HSPBAP1: variants seen among roughly 807,000 people sequenced by gnomAD.
The protein encoded by HSPBAP1 is HSPB1-associated protein 1.
HSPBAP1 carries 27 observed loss-of-function variants against 45.2 expected under a neutral mutation model. The observed-to-expected ratio is 0.60, with a 90% CI of 0.44 to 0.82. The LOEUF is 0.82. Ranked by LOEUF, HSPBAP1 falls within the 40% of genes least tolerant of loss-of-function variation. The pLI is 0.00. For missense variants in HSPBAP1, 510 were observed against 590.9 expected, an observed-to-expected ratio of 0.86 and a Z score of 1.42; for synonymous variants, 204 against 202.7, an observed-to-expected ratio of 1.01 and a Z score of -0.06.
intron 3 of HSPBAP1, among the ~76,000 whole-genome samples, chr3:122,765,349 G>A (rs1351668244): frequency 6.6e-6 from 1 of 152,172 alleles, no homozygotes; most frequent in Non-Finnish European, 1.5e-5. Flanking sequence ...GGGAGGCTGA[G>A]GCAGGCGGAT....
At chr3:122,767,885 T>C (rs909530280) in intron 3 of HSPBAP1, among the ~76,000 whole-genome samples, 5 of 151,912 alleles carry the variant, frequency 3.3e-5, no homozygotes, top group Admixed American at 3.3e-4. Flanking sequence ...GCAGGGATGG[T>C]GAAATACTTC....
chr3:122,748,990 A>C (rs1339711789), intron 6 of HSPBAP1, among the ~76,000 whole-genome samples: 1 of 152,170 alleles, frequency 6.6e-6, no homozygotes, highest in Non-Finnish European at 1.5e-5. Flanking sequence ...GGAACACTAT[A>C]GTTTATTACT....
chr3:122,792,006 G>A (rs1462146292), intron 1 of HSPBAP1, among the ~76,000 whole-genome samples: 2 of 152,132 alleles, frequency 1.3e-5, no homozygotes, highest in Admixed American at 6.5e-5. Context: ...TTTGAAGTAC[G>A]GTCTGATAGT....
intron 1 of HSPBAP1, among the ~76,000 whole-genome samples, chr3:122,790,883 AT>A (rs1935805989): frequency 6.6e-6 from 1 of 152,204 alleles, no homozygotes; most frequent in African/African-American, 2.4e-5. Flanking sequence ...TGTATTCATC[AT>A]TGTACTGAAC....
At chr3:122,754,545 G>A (rs1377345066) in intron 5 of HSPBAP1, 3 of 985,250 alleles carry the variant, frequency 3.0e-6, no homozygotes, top group East Asian at 1.1e-4. Flanking sequence ...TGAGTTGATA[G>A]TACTTGAGTG....
intron 4 of HSPBAP1, 91 bp downstream of exon 4, chr3:122,759,133 G>T (rs545172386): frequency 1.4e-6 from 2 of 1,480,962 alleles, no homozygotes; most frequent in Middle Eastern, 2.2e-4. Context: ...ACACCTTGGG[G>T]TATTGCCCTA....
intron 6 of HSPBAP1, among the ~76,000 whole-genome samples, chr3:122,747,525 C>T (rs139922742): frequency 0.1 from 14,498 of 141,780 alleles, 976 homozygotes; most frequent in East Asian, 0.36. Flanking sequence ...CGCCCCGTCT[C>T]GGAGGGAGGT....
intron 1 of HSPBAP1, among the ~76,000 whole-genome samples, chr3:122,793,230 C>T (rs932460289): frequency 2.0e-5 from 3 of 152,164 alleles, no homozygotes; most frequent in East Asian, 3.8e-4. Context: ...AGAATAAAAG[C>T]GCATAATCCC....
intron 1 of HSPBAP1, among the ~76,000 whole-genome samples, chr3:122,790,576 ATATT>A (rs1935795235): frequency 6.6e-6 from 1 of 152,204 alleles, no homozygotes; most frequent in African/African-American, 2.4e-5. Flanking sequence ...GCCAAAAATG[ATATT>A]TATAATTATT....
chr3:122,750,080 T>A (rs776547291), intron 6 of HSPBAP1, among the ~76,000 whole-genome samples: 7 of 151,120 alleles, frequency 4.6e-5, no homozygotes, highest in Non-Finnish European at 8.8e-5. Flanking sequence ...GTTCAAGCGA[T>A]TCTCCTGCCT....
At chr3:122,781,732 T>C (rs566864829) in intron 1 of HSPBAP1, among the ~76,000 whole-genome samples, 38 of 152,328 alleles carry the variant, frequency 2.5e-4, no homozygotes, top group African/African-American at 8.7e-4. Context: ...TATTTGGCTG[T>C]TTCTGCATTA....
intron 2 of HSPBAP1, among the ~76,000 whole-genome samples, chr3:122,773,918 C>T (rs1392588220): frequency 6.6e-6 from 1 of 152,232 alleles, no homozygotes; most frequent in Non-Finnish European, 1.5e-5. Flanking sequence ...GGATTACAGG[C>T]ATGAGCTACC....
chr3:122,769,964 C>T (rs2107524307), intron 2 of HSPBAP1, among the ~76,000 whole-genome samples: 1 of 152,338 alleles, frequency 6.6e-6, no homozygotes, highest in African/African-American at 2.4e-5. Flanking sequence ...CAGGTGTGGG[C>T]CACCGTGCCC....
intron 6 of HSPBAP1, among the ~76,000 whole-genome samples, chr3:122,747,186 G>A (rs1166622617): frequency 2.7e-5 from 4 of 150,880 alleles, no homozygotes; most frequent in South Asian, 2.1e-4. Context: ...CTGCCCGGCC[G>A]CCATCCCATC....
Position 122,793,599 on chromosome 3 carries a change from C to A in HSPBAP1, c.64+18G>T, listed in dbSNP as rs1935906883. 11 of 1,613,024 alleles carry A rather than the reference C, an allele frequency of 6.8e-6. No individual in the cohort carries two copies. Among genetic ancestry groups the A allele is most frequent in the Non-Finnish European group, 9.3e-6 (11 of 1,179,314 alleles). ...CATTGGGTTTGTACTCAGGGTCGGA[C>A]CTCAGCCTGGCACCTACCTTCCTCC... On this transcript the variant is annotated intron_variant, in intron 1 of 7. Coordinates refer to ENST00000306103, the MANE Select transcript of HSPBAP1 (RefSeq NM_024610.6).
chr3:122,747,779 G>A (rs1263282169), intron 6 of HSPBAP1, among the ~76,000 whole-genome samples: 2 of 149,744 alleles, frequency 1.3e-5, no homozygotes, highest in East Asian at 4.0e-4. Flanking sequence ...CCCCCCGCCC[G>A]GCCAGCCGCC....
chr3:122,767,462 G>A (rs1310488069), intron 3 of HSPBAP1, among the ~76,000 whole-genome samples: 2 of 152,112 alleles, frequency 1.3e-5, no homozygotes, highest in Admixed American at 1.3e-4. Context: ...GGCTGTGGCA[G>A]GAGAATTGCT....
Position 122,740,573 on chromosome 3 carries a change from A to C in HSPBAP1, c.1239T>G (p.Asp413Glu). Residue 413 changes from aspartate to glutamate, a missense_variant, in exon 8 of 8, where the codon GAT (aspartate) becomes GAG (glutamate). Coordinates refer to ENST00000306103, the MANE Select transcript of HSPBAP1 (RefSeq NM_024610.6). ...PSERGGIFGS[D>E]GKDFVDKDGE... ...CATCCTTGTCCACAAAGTCTTTCCC[A>C]TCACTTCCAAATATGCCTCCTCTTT... 1.2e-6 allele frequency: 2 copies of C among 1,614,210 alleles called. No homozygotes were observed. The highest frequency in any genetic ancestry group is 1.7e-6 in the Non-Finnish European group (2 of 1,180,038).
chr3:122,776,093 T>C (rs1343921898), intron 2 of HSPBAP1, among the ~76,000 whole-genome samples: 1 of 152,188 alleles, frequency 6.6e-6, no homozygotes, highest in Non-Finnish European at 1.5e-5. Flanking sequence ...AAATCAGTGG[T>C]TGCCAGGGCC....
Sources: allele counts gnomAD v4.1 joint callset (sites outside exome capture counted in the v4.1 genomes callset), GRCh38; gene constraint gnomAD v4.1.1; transcripts MANE v1.5; gene names NCBI Gene and HGNC (gene_info 2026-07-23, HGNC 2026-07-21).